MOB4: variants seen among roughly 807,000 people sequenced by gnomAD.
MOB4 encodes the protein MOB family member 4, phocein.
Under a neutral mutation model 32.2 loss-of-function variants are expected in MOB4, and 4 were observed. The ratio of observed to expected loss-of-function variants is 0.12; its 90% CI spans 0.06 to 0.28. MOB4 has a LOEUF of 0.28. MOB4 is among the 10% of genes least tolerant of loss of function. The pLI is 1.00. For missense variants in MOB4, 158 were observed against 271.2 expected (o/e 0.58, Z 2.93); for synonymous variants, 88 against 88.1 (o/e 1.00, Z 0.01).
intron 1 of MOB4, among the ~76,000 whole-genome samples, chr2:197,523,306 A>G (rs1161537310): frequency 1.3e-5 from 2 of 152,174 alleles, no homozygotes; most frequent in Non-Finnish European, 2.9e-5. Flanking sequence ...TTAAACAGCC[A>G]GGCGCAGTGG....
At position 197,552,801 on chromosome 2, in the gene MOB4, C is replaced by T. The variant is rs533306505; in HGVS notation, c.*2155C>T. 5 of 152,308 alleles carry T rather than the reference C, an allele frequency of 3.3e-5. No homozygotes were observed. The highest frequency in any genetic ancestry group is 2.0e-4 in the Admixed American group (3 of 15,278). The allele number at this position is 152,308 out of a possible 1,614,324, so 9.4% of individuals were successfully genotyped here. ...ACTACTAAAAAATTAATGAGCCTGG[C>T]AAACCATTGATTTATAAAAGTAAGT... On this transcript the variant is annotated 3_prime_UTR_variant, in exon 8 of 8. Coordinates refer to ENST00000323303, the MANE Select transcript of MOB4 (RefSeq NM_015387.5).
chr2:197,521,633 G>C (rs199703342), intron 1 of MOB4, among the ~76,000 whole-genome samples: 7 of 152,140 alleles, frequency 4.6e-5, no homozygotes, highest in African/African-American at 1.7e-4. Flanking sequence ...CAAGGGGGCC[G>C]TCTATAGACC....
rs138013637 is a variant in MOB4 at position 197,531,047 on chromosome 2, A to T, written c.124-4483A>T. ...TTTTTGCTATTTTATTTTTATTTTTATTTTTATTTTTTTTTTTTGAGGCAG... is the reference window on the plus strand; with the variant it reads ...TTTTTGCTATTTTATTTTTATTTTTTTTTTTATTTTTTTTTTTTGAGGCAG... On this transcript the variant is annotated intron_variant, in intron 2 of 7. Coordinates refer to ENST00000323303, the MANE Select transcript of MOB4 (RefSeq NM_015387.5). Among the ~76,000 whole-genome samples the T allele has an allele frequency of 8.4e-4, 79 of 93,954 alleles. 1 individual carries two copies. The highest frequency in any genetic ancestry group is 2.7e-3 in the African/African-American group (70 of 25,508). The allele number at this position is 93,954 out of a possible 152,430, so 61.6% of individuals were successfully genotyped here.
chr2:197,549,066 T>C (rs1034623479), intron 6 of MOB4, among the ~76,000 whole-genome samples: 1 of 152,078 alleles, frequency 6.6e-6, no homozygotes, highest in Non-Finnish European at 1.5e-5. Flanking sequence ...CCTTCTCTAC[T>C]AAAAATACAA....
At chr2:197,533,992 A>G (rs2086753458) in intron 2 of MOB4, 2 of 510,718 alleles carry the variant, frequency 3.9e-6, no homozygotes, top group Non-Finnish European at 7.6e-6. Context: ...GATGGCACAC[A>G]TACTTAATAT....
chr2:197,521,866 G>A (rs965387710), intron 1 of MOB4, among the ~76,000 whole-genome samples: 2 of 152,092 alleles, frequency 1.3e-5, no homozygotes, highest in African/African-American at 4.8e-5. Context: ...AAACACACAT[G>A]CTCTACAGTT....
chr2:197,527,738 T>TC (rs1368090944), intron 2 of MOB4, among the ~76,000 whole-genome samples: 1 of 152,244 alleles, frequency 6.6e-6, no homozygotes, highest in East Asian at 1.9e-4. Flanking sequence ...TTTTAGTTTT[T>TC]CACCCTTGAG....
intron 2 of MOB4, among the ~76,000 whole-genome samples, chr2:197,532,679 C>CT (rs1052133735): frequency 1.3e-4 from 20 of 151,516 alleles, no homozygotes; most frequent in African/African-American, 4.4e-4. Context: ...GAACGAAACT[C>CT]TATCTCAAAA....
intron 1 of MOB4, among the ~76,000 whole-genome samples, chr2:197,520,893 TA>T (rs77272123): frequency 0.049 from 5,314 of 107,864 alleles, 292 homozygotes; most frequent in African/African-American, 0.14. Context: ...CCTCGTCTCT[TA>T]AAAAAAAAAA....
intron 2 of MOB4, among the ~76,000 whole-genome samples, chr2:197,525,535 G>A (rs1370357307): frequency 6.6e-6 from 1 of 151,908 alleles, no homozygotes; most frequent in Non-Finnish European, 1.5e-5. Flanking sequence ...TTGGGAGTTT[G>A]AAACCAGCCT....
At chr2:197,517,906 G>A (rs1303106277) in intron 1 of MOB4, among the ~76,000 whole-genome samples, 5 of 152,198 alleles carry the variant, frequency 3.3e-5, no homozygotes, top group African/African-American at 1.2e-4. Context: ...TTGGGAGGTG[G>A]AGGCAGGCGG....
chr2:197,527,997 G>T (rs73988480), intron 2 of MOB4, among the ~76,000 whole-genome samples: 5,047 of 151,872 alleles, frequency 0.033, 276 homozygotes, highest in African/African-American at 0.11. Context: ...ATTTATATTT[G>T]TATGGTATTT....
intron 2 of MOB4, among the ~76,000 whole-genome samples, chr2:197,526,144 C>G (rs62281273): frequency 6.6e-6 from 1 of 152,064 alleles, no homozygotes; most frequent in African/African-American, 2.4e-5. Flanking sequence ...TAGTTTTTCA[C>G]TGTTGAGTAT....
chr2:197,547,837 ATTGT>A lies in MOB4; in HGVS notation c.355-496_355-493del, dbSNP rs574484965. Among the ~76,000 whole-genome samples, 331 of 152,228 alleles carry A rather than the reference ATTGT, an allele frequency of 2.2e-3. 1 individual carries two copies. The highest frequency in any genetic ancestry group is 7.6e-3 in the African/African-American group (315 of 41,538). ...CTGAGTTGCCATGAGACAGTGTTTC[ATTGT>A]TTCTTTTTTTCATTGTTTCTGATAA... On this transcript the variant is annotated intron_variant, in intron 5 of 7. Coordinates refer to ENST00000323303, the MANE Select transcript of MOB4 (RefSeq NM_015387.5).
intron 1 of MOB4, among the ~76,000 whole-genome samples, chr2:197,523,008 AAAT>A (rs971955388): frequency 2.6e-5 from 4 of 151,670 alleles, no homozygotes; most frequent in African/African-American, 7.3e-5. Context: ...AGTGGTCTCA[AAAT>A]AATAATAATA....
intron 2 of MOB4, among the ~76,000 whole-genome samples, chr2:197,535,039 A>G (rs909500729): frequency 6.6e-5 from 10 of 152,118 alleles, no homozygotes; most frequent in South Asian, 2.1e-4. Context: ...TACATTGCCT[A>G]TGGTGAAATC....
chr2:197,548,198 C>T (rs1421605108), intron 5 of MOB4, 138 bp from the exon 6 acceptor site: 4 of 492,464 alleles, frequency 8.1e-6, no homozygotes, highest in Non-Finnish European at 1.0e-5. Context: ...TTATATTTTA[C>T]AAGCATTCGG....
intron 2 of MOB4, among the ~76,000 whole-genome samples, chr2:197,535,020 A>C (rs1166922934): frequency 6.6e-6 from 1 of 152,162 alleles, no homozygotes; most frequent in Non-Finnish European, 1.5e-5. Flanking sequence ...TATGTACCAT[A>C]GTTATATTTA....
intron 2 of MOB4, among the ~76,000 whole-genome samples, chr2:197,525,154 G>T (rs1162276366): frequency 6.6e-6 from 1 of 151,972 alleles, no homozygotes; most frequent in Non-Finnish European, 1.5e-5. Context: ...GACCATCCTG[G>T]CTAACATGGT....
Sources: allele counts gnomAD v4.1 joint callset (sites outside exome capture counted in the v4.1 genomes callset), GRCh38; gene constraint gnomAD v4.1.1; transcripts MANE v1.5; gene names NCBI Gene and HGNC (gene_info 2026-07-23, HGNC 2026-07-21).